The following KCNN3 variants were observed in gnomAD, a reference collection of about 807,000 sequenced individuals.
KCNN3 encodes small conductance calcium-activated potassium channel protein 3.
A neutral mutation model predicts 62.9 loss-of-function variants in KCNN3; 16 were observed. That is an observed-to-expected ratio of 0.25 (90% CI 0.17 to 0.39). KCNN3 has a LOEUF of 0.39. Among genes scored for constraint, KCNN3 ranks in the 10% least tolerant of loss-of-function variants. The probability of loss-of-function intolerance (pLI) is 1.00; values close to 1 mark genes in which losing one functional copy is unlikely to be tolerated. For missense variants in KCNN3, 599 were observed against 949.4 expected (o/e 0.63, Z 4.85); for synonymous variants, 370 against 389.2 (o/e 0.95, Z 0.58).
chr1:154,864,985 C>T (rs531175939), intron 1 of KCNN3, among the ~76,000 whole-genome samples: 6 of 152,234 alleles, frequency 3.9e-5, no homozygotes, highest in African/African-American at 7.2e-5. Flanking sequence ...CCTGAGATCC[C>T]GAGAAACAAG....
intron 1 of KCNN3, among the ~76,000 whole-genome samples, chr1:154,863,039 G>T (rs1033991747): frequency 6.6e-6 from 1 of 152,140 alleles, no homozygotes; most frequent in Admixed American, 6.5e-5. Flanking sequence ...GTACTCCCGG[G>T]TGTAATGTAA....
chr1:154,825,568 G>A (rs200929153), intron 1 of KCNN3, among the ~76,000 whole-genome samples: 537 of 151,292 alleles, frequency 3.5e-3, no homozygotes, highest in Non-Finnish European at 5.3e-3. Context: ...GGGTTTCACC[G>A]TGTTAGCCAG....
At chr1:154,762,877 CA>C (rs1164210104) in intron 3 of KCNN3, among the ~76,000 whole-genome samples, 1 of 152,138 alleles carries the variant, frequency 6.6e-6, no homozygotes, top group Non-Finnish European at 1.5e-5. Context: ...TCCAAGCTTC[CA>C]ATTTCTCCAT....
At chr1:154,801,047 A>G (rs1452003343) in intron 2 of KCNN3, among the ~76,000 whole-genome samples, 1 of 152,148 alleles carries the variant, frequency 6.6e-6, no homozygotes, top group Non-Finnish European at 1.5e-5. Context: ...AAAAAGAGAA[A>G]GAAAAAGATT....
Position 154,704,172 on chromosome 1 carries a change from G to A in KCNN3, c.*3804C>T, listed in dbSNP as rs760410737. The A allele has an allele frequency of 1.3e-4, 20 of 152,120 alleles. No individual in the cohort carries two copies. The highest frequency in any genetic ancestry group is 2.0e-4 in the Admixed American group (3 of 15,282). 9.4% of individuals were successfully genotyped at this position (152,120 alleles called of 1,614,324 possible). ...CTCAGCGCTTGGAATTTACTTTTGCGTACATTTTCTATGTCTCCTAATTCA... is the reference window on the plus strand; with the variant it reads ...CTCAGCGCTTGGAATTTACTTTTGCATACATTTTCTATGTCTCCTAATTCA... On this transcript the variant is annotated 3_prime_UTR_variant, in exon 8 of 8. Transcript: ENST00000271915.
intron 1 of KCNN3, among the ~76,000 whole-genome samples, chr1:154,825,470 A>G (rs1437439153): frequency 7.0e-6 from 1 of 143,594 alleles, no homozygotes; most frequent in African/African-American, 2.6e-5. Context: ...GGTTCATGCC[A>G]TTCTCCTGCC....
At chr1:154,779,984 C>T (rs920192761) in intron 2 of KCNN3, among the ~76,000 whole-genome samples, 14 of 152,130 alleles carry the variant, frequency 9.2e-5, no homozygotes, top group East Asian at 1.9e-4. Context: ...ACAAGGCCAA[C>T]GCTGAAGGCC....
At chr1:154,864,349 G>C in intron 1 of KCNN3, among the ~76,000 whole-genome samples, 1 of 152,266 alleles carries the variant, frequency 6.6e-6, no homozygotes, top group East Asian at 1.9e-4. Flanking sequence ...GGTCCAAACA[G>C]AAGGTGCAGA....
chr1:154,789,947 C>T (rs1329024221), intron 2 of KCNN3, among the ~76,000 whole-genome samples: 1 of 152,096 alleles, frequency 6.6e-6, no homozygotes, highest in Non-Finnish European at 1.5e-5. Flanking sequence ...GCTCTGTCGC[C>T]CAGGCTGGAG....
chr1:154,815,450 A>T (rs1435987238), intron 2 of KCNN3, among the ~76,000 whole-genome samples: 5 of 152,132 alleles, frequency 3.3e-5, no homozygotes, highest in Admixed American at 3.3e-4. Context: ...CTCTGGGAGA[A>T]ATGCATCACT....
At chr1:154,837,693 C>T (rs773008447) in intron 1 of KCNN3, among the ~76,000 whole-genome samples, 10 of 152,296 alleles carry the variant, frequency 6.6e-5, no homozygotes, top group Non-Finnish European at 1.2e-4. Context: ...CATCCACTGC[C>T]GGTGATGACA....
Position 154,772,368 on chromosome 1 carries a change from T to C in KCNN3, c.1055A>G (p.Asp352Gly). The C allele has an allele frequency of 6.2e-7, 1 of 1,614,158 alleles. No individual in the cohort carries two copies. Among genetic ancestry groups the C allele is most frequent in the Non-Finnish European group, 8.5e-7 (1 of 1,180,036 alleles). ...VQLFVIDNGA[D>G]DWRIAMTYER... ...GTAGGTCATGGCTATCCGCCAGTCA[T>C]CCGCGCCATTGTCGATCACGAAGAG... The change falls in exon 3 of 8, where the codon GAT (aspartate) becomes GGT (glycine). Residue 352 changes from aspartate to glycine, a missense_variant. Around this residue, in one of 7 missense-constraint regions of KCNN3, gnomAD observed 288 missense variants for 557.4 expected, o/e 0.52. Coordinates refer to ENST00000271915, the MANE Select transcript of KCNN3 (RefSeq NM_002249.6). This position sits in a 1 kb window ranked among gnomAD's most constrained non-coding sequence, Gnocchi z 5.6.
chr1:154,771,354 A>T (rs1297738008), intron 3 of KCNN3, among the ~76,000 whole-genome samples: 1 of 152,206 alleles, frequency 6.6e-6, no homozygotes, highest in Non-Finnish European at 1.5e-5. Context: ...ATGTTCCATC[A>T]GTACAGTGCT....
At chr1:154,838,644 C>T (rs191910011) in intron 1 of KCNN3, among the ~76,000 whole-genome samples, 242 of 152,300 alleles carry the variant, frequency 1.6e-3, no homozygotes, top group African/African-American at 5.5e-3. Context: ...GGACCGGCTC[C>T]GTTCTCGCCA....
Position 154,772,111 on chromosome 1 carries a change from C to T in KCNN3, c.1312G>A (p.Gly438Arg), listed in dbSNP as rs770791170. 1.9e-6 allele frequency: 3 copies of T among 1,614,154 alleles called. No individual in the cohort carries two copies. The highest frequency in any genetic ancestry group is 2.5e-6 in the Non-Finnish European group (3 of 1,180,038). ...TTGAAGTTGATCTTGTTGAGGGCCCCGATGCTGCGGGACGAGGCATCGGTG... is the reference window on the plus strand; with the variant it reads ...TTGAAGTTGATCTTGTTGAGGGCCCTGATGCTGCGGGACGAGGCATCGGTG... ...LFTDASSRSIGALNKINFNTR... is the reference protein window; with the variant it reads ...LFTDASSRSIRALNKINFNTR... The change falls in exon 3 of 8, where the codon GGG becomes AGG. Residue 438 changes from glycine (G) to arginine (R), a missense_variant. Physicochemically the swap from Gly to Arg is moderately radical, Grantham distance 125 (BLOSUM62 -2). Transcript: ENST00000271915. This position sits in a 1 kb window ranked among gnomAD's most constrained non-coding sequence, Gnocchi z 5.6.
At chr1:154,859,492 G>A (rs79063755) in intron 1 of KCNN3, among the ~76,000 whole-genome samples, 3,209 of 152,298 alleles carry the variant, frequency 0.021, 92 homozygotes, top group African/African-American at 0.073. Flanking sequence ...CTGAGGCTCG[G>A]AGAGTTTGAG....
chr1:154,755,477 A>G lies in KCNN3; in HGVS notation c.1448+16498T>C, dbSNP rs1282768246. ...AAGTGAGACAAGAAAGAAAGGAAGA[A>G]AGGAAGGAAGAAAGGGAGAAAGAAA... On this transcript the variant is annotated intron_variant, in intron 3 of 7. Coordinates refer to ENST00000271915, the MANE Select transcript of KCNN3 (RefSeq NM_002249.6). 6.9e-5 allele frequency among the ~76,000 whole-genome samples: 10 copies of G among 144,816 alleles called. No homozygotes were observed. The East Asian group carries it at 2.0e-3, about 29-fold the overall frequency.
chr1:154,783,660 G>A (rs1304582795), intron 2 of KCNN3, among the ~76,000 whole-genome samples: 1 of 152,190 alleles, frequency 6.6e-6, no homozygotes, highest in Non-Finnish European at 1.5e-5. Flanking sequence ...AAATGAACAG[G>A]AACACTGGAG....
At chr1:154,730,421 A>G (rs1700567568) in intron 4 of KCNN3, among the ~76,000 whole-genome samples, 1 of 152,194 alleles carries the variant, frequency 6.6e-6, no homozygotes, top group South Asian at 2.1e-4. Context: ...CATGGTAACC[A>G]AACAGGAAGC....
Sources: gnomAD v4.1 joint callset for allele counts (sites outside exome capture counted in the v4.1 genomes callset) on GRCh38, gnomAD v4.1.1 for gene constraint, gnomAD v4.1.1 regional missense constraint, Gnocchi (gnomAD v3.1) non-coding constraint, MANE v1.5 for transcripts, NCBI Gene and HGNC (gene_info 2026-07-23, HGNC 2026-07-21) for gene names.